ZFHX3: variants seen among roughly 807,000 people sequenced by gnomAD.
ZFHX3 encodes zinc finger homeobox protein 3.
Under a neutral mutation model 279.1 loss-of-function variants are expected in ZFHX3, and 42 were observed. The observed-to-expected ratio is 0.15, with a 90% confidence interval of 0.12 to 0.19. ZFHX3 has a LOEUF of 0.19. ZFHX3 is among the 10% of genes least tolerant of loss of function. ZFHX3 has a pLI of 1.00. For missense variants in ZFHX3, 4,981 were observed against 4,754.0 expected, an observed-to-expected ratio of 1.05 and a Z score of -1.40; for synonymous variants, 2,293 against 1,957.8, an observed-to-expected ratio of 1.17 and a Z score of -4.52.
At chr16:73,253,329 C>T (rs2013564975) in intron 5 of ZFHX3, among the ~76,000 whole-genome samples, 5 of 152,136 alleles carry the variant, frequency 3.3e-5, no homozygotes, top group Admixed American at 3.3e-4. Flanking sequence ...GCAATAAAGA[C>T]TGTGAGAAAT....
chr16:73,413,115 C>A (rs559271955), intron 3 of ZFHX3, among the ~76,000 whole-genome samples: 1 of 152,262 alleles, frequency 6.6e-6, no homozygotes, highest in Non-Finnish European at 1.5e-5. Context: ...TGAATGATAT[C>A]AGAGAAGGCC....
At chr16:73,807,551 C>A (rs916512153) in intron 1 of ZFHX3, among the ~76,000 whole-genome samples, 8 of 151,506 alleles carry the variant, frequency 5.3e-5, no homozygotes, top group African/African-American at 9.7e-5. Flanking sequence ...ATCTCCTGGG[C>A]TCAAGCAATC....
chr16:72,841,105 C>T (rs2037334244), intron 4 of ZFHX3, among the ~76,000 whole-genome samples: 1 of 152,218 alleles, frequency 6.6e-6, no homozygotes, highest in Admixed American at 6.5e-5. Flanking sequence ...CGTGGGGAGC[C>T]TTCAGGTGCC....
chr16:72,901,423 G>A (rs1182485402), intron 3 of ZFHX3, among the ~76,000 whole-genome samples: 1 of 152,168 alleles, frequency 6.6e-6, no homozygotes, highest in African/African-American at 2.4e-5. Flanking sequence ...CCTTCATAAT[G>A]AGAGAAGACA....
Position 73,407,045 on chromosome 16 carries a change from A to AC in ZFHX3, c.-1291+48957_-1291+48958insG, listed in dbSNP as rs1555514369. ...GCAGCAGTTCTCAAAAGAAAGGGTGATTTTTTCCTGCAGGGCGTATTTGGC... is the reference window on the plus strand; with the variant it reads ...GCAGCAGTTCTCAAAAGAAAGGGTGACTTTTTTCCTGCAGGGCGTATTTGGC... On this transcript the variant is annotated intron_variant, in intron 3 of 17. Coordinates refer to the ZFHX3 transcript ENST00000641206. Among the ~76,000 whole-genome samples, 6 of 151,994 alleles carry AC rather than the reference A, an allele frequency of 3.9e-5. 1 individual carries two copies. The highest frequency in any genetic ancestry group is 3.3e-4 in the Admixed American group (5 of 15,274).
chr16:72,913,042 A>C (rs2039358221), intron 3 of ZFHX3, among the ~76,000 whole-genome samples: 2 of 152,058 alleles, frequency 1.3e-5, no homozygotes, highest in African/African-American at 4.8e-5. Flanking sequence ...GATTTGTAAA[A>C]CAGGCCTGGT....
At chr16:73,548,961 T>C (rs2020163994) in intron 2 of ZFHX3, among the ~76,000 whole-genome samples, 1 of 152,168 alleles carries the variant, frequency 6.6e-6, no homozygotes, top group South Asian at 2.1e-4. Flanking sequence ...GCAGCTAAAA[T>C]ATGAAAACAG....
At chr16:73,422,324 G>T (rs1567479444) in intron 3 of ZFHX3, among the ~76,000 whole-genome samples, 1 of 152,046 alleles carries the variant, frequency 6.6e-6, no homozygotes, top group South Asian at 2.1e-4. Context: ...TGACAACAGA[G>T]CTTTGGAGGT....
chr16:73,842,430 G>C (rs974373185), intron 1 of ZFHX3, among the ~76,000 whole-genome samples: 2 of 152,030 alleles, frequency 1.3e-5, no homozygotes, highest in South Asian at 4.2e-4. Flanking sequence ...TGCTGACTTA[G>C]ACAGGTAAAC....
intron 1 of ZFHX3, among the ~76,000 whole-genome samples, chr16:73,882,539 T>C (rs1367802372): frequency 6.6e-6 from 1 of 152,114 alleles, no homozygotes. Flanking sequence ...AGATTTCACT[T>C]TGATGGCTCT....
intron 4 of ZFHX3, among the ~76,000 whole-genome samples, chr16:72,839,660 G>C (rs955038033): frequency 1.2e-4 from 19 of 152,016 alleles, no homozygotes; most frequent in Admixed American, 1.2e-3. Flanking sequence ...GGAGTTGATA[G>C]AAGAAGGTCT....
upstream of ZFHX3, chr16:73,060,995 C>G (rs1271117596): frequency 6.6e-6 from 1 of 151,952 alleles, no homozygotes; most frequent in African/African-American, 2.4e-5. Flanking sequence ...TCTGAATTCA[C>G]TCTGGGAATA....
chr16:72,863,708 T>C (rs2037943773), intron 4 of ZFHX3, among the ~76,000 whole-genome samples: 1 of 151,946 alleles, frequency 6.6e-6, no homozygotes. Flanking sequence ...GTCTGCTGGT[T>C]CATACTCTAC....
intron 2 of ZFHX3, among the ~76,000 whole-genome samples, chr16:73,578,977 G>A (rs943948070): frequency 2.0e-4 from 31 of 152,106 alleles, no homozygotes; most frequent in Admixed American, 1.7e-3. Context: ...AGGGAGAGCC[G>A]GACATGCCTC....
chr16:73,419,689 C>T (rs951651483), intron 3 of ZFHX3, among the ~76,000 whole-genome samples: 1 of 151,960 alleles, frequency 6.6e-6, no homozygotes, highest in African/African-American at 2.4e-5. Flanking sequence ...AGCCATCCTC[C>T]CACCTGCCTC....
In ZFHX3 at chr16:73,025,976, GCT is replaced by G. The variant is rs140151159; in HGVS notation, c.-50+21774_-50+21775del. 2.8e-3 allele frequency among the ~76,000 whole-genome samples: 421 copies of G among 152,120 alleles called. 3 individuals are homozygous for G. The highest frequency in any genetic ancestry group is 9.9e-3 in the African/African-American group (409 of 41,492). ...AGACAAGTTATGTGACCTCCACAAA[GCT>G]CAACCTCTCACGCCAGATTCGATGC... is the stretch of plus-strand genomic sequence containing the variant. On this transcript the variant is annotated intron_variant, in intron 1 of 9. Transcript: ENST00000268489.
intron 2 of ZFHX3, among the ~76,000 whole-genome samples, chr16:73,533,030 T>C (rs1044905618): frequency 6.6e-6 from 1 of 152,204 alleles, no homozygotes; most frequent in Non-Finnish European, 1.5e-5. Context: ...TCTTCGGTAT[T>C]TCATCATAAC....
At chr16:73,703,043 C>T (rs1437415075) in intron 1 of ZFHX3, among the ~76,000 whole-genome samples, 1 of 152,000 alleles carries the variant, frequency 6.6e-6, no homozygotes, top group African/African-American at 2.4e-5. Context: ...AAACAGAAAA[C>T]AAAAAAGTGA....
At chr16:73,772,544 C>G (rs762582815) in intron 1 of ZFHX3, among the ~76,000 whole-genome samples, 17 of 152,174 alleles carry the variant, frequency 1.1e-4, no homozygotes, top group Admixed American at 2.6e-4. Context: ...CTGTGCATAC[C>G]TCGTTTGGGT....
Sources: allele counts gnomAD v4.1 joint callset (sites outside exome capture counted in the v4.1 genomes callset), GRCh38; gene constraint gnomAD v4.1.1; transcripts MANE v1.5; gene names NCBI Gene and HGNC (gene_info 2026-07-23, HGNC 2026-07-21).